The following FGF14 variants were observed in gnomAD, a reference collection of about 807,000 sequenced individuals.
The protein encoded by FGF14 is fibroblast growth factor homologous factor 4.
In FGF14, 5 loss-of-function variants were observed where a neutral mutation model predicts 25.5. The ratio of observed to expected loss-of-function variants is 0.20; its 90% CI spans 0.10 to 0.41. The LOEUF is 0.41. FGF14 is among the 10% of genes least tolerant of loss of function. The pLI is 1.00. For missense variants in FGF14, 222 were observed against 320.1 expected, an observed-to-expected ratio of 0.69 and a Z score of 2.34; for synonymous variants, 138 against 118.3, an observed-to-expected ratio of 1.17 and a Z score of -1.08.
At chr13:102,046,692 A>AT (rs747690938) in intron 1 of FGF14, among the ~76,000 whole-genome samples, 2 of 152,220 alleles carry the variant, frequency 1.3e-5, no homozygotes, top group Admixed American at 6.5e-5. Flanking sequence ...GTTTATTGAA[A>AT]TTACTTTATC....
intron 1 of FGF14, among the ~76,000 whole-genome samples, chr13:102,288,946 G>T (rs2054243284): frequency 6.6e-6 from 1 of 151,312 alleles, no homozygotes; most frequent in Non-Finnish European, 1.5e-5. Context: ...CTGTGAATTT[G>T]TCAGGTTTCT....
intron 1 of FGF14, among the ~76,000 whole-genome samples, chr13:101,990,630 T>C (rs1555334724): frequency 6.6e-6 from 1 of 152,100 alleles, no homozygotes; most frequent in Non-Finnish European, 1.5e-5. Flanking sequence ...TGCATCAGTA[T>C]GGGGCTTTGG....
chr13:102,266,590 C>A (rs1051993534), intron 1 of FGF14, among the ~76,000 whole-genome samples: 1 of 151,992 alleles, frequency 6.6e-6, no homozygotes, highest in South Asian at 2.1e-4. Flanking sequence ...AAATTTATAT[C>A]AAATGATATT....
intron 4 of FGF14, among the ~76,000 whole-genome samples, chr13:101,725,428 G>C (rs964661194): frequency 1.3e-5 from 2 of 151,774 alleles, no homozygotes; most frequent in African/African-American, 4.8e-5. Context: ...AACTGTTTGG[G>C]TTTCAATAAA....
chr13:101,941,178 G>T lies in FGF14; in HGVS notation c.209-65882C>A, dbSNP rs566150242. Among the ~76,000 whole-genome samples, 16 of 152,272 alleles carry T rather than the reference G, an allele frequency of 1.1e-4. No homozygotes were observed. The South Asian group carries it at 3.3e-3, about 32-fold the overall frequency. ...AAAAATGGGATTCATCACAAAGCAA[G>T]GACACAGTGAGCAGAGATGGAGTCA... On this transcript the variant is annotated intron_variant, in intron 1 of 4. Coordinates refer to the FGF14 transcript ENST00000376131.
chr13:101,912,018 T>C lies in FGF14; in HGVS notation c.193+4435A>G, dbSNP rs770379382. Among the ~76,000 whole-genome samples, 761 of 151,126 alleles carry C rather than the reference T, an allele frequency of 5.0e-3. 1 individual carries two copies. The highest frequency in any genetic ancestry group is 8.0e-3 in the Admixed American group (121 of 15,208). On this transcript the variant is annotated intron_variant, in intron 1 of 4. Coordinates refer to ENST00000376143, the MANE Select transcript of FGF14 (RefSeq NM_004115.4). ...ACAAAAACAGTGTTTTTTTTTTTTT[T>C]TGATGACTATTTGCTGTGGATTATT...
intron 1 of FGF14, among the ~76,000 whole-genome samples, chr13:102,076,417 G>A (rs556915708): frequency 6.6e-6 from 1 of 152,296 alleles, no homozygotes; most frequent in South Asian, 2.1e-4. Context: ...GCCACATAGC[G>A]AAGGTGTATG....
intron 3 of FGF14, among the ~76,000 whole-genome samples, chr13:101,814,025 G>A (rs1191128354): frequency 6.6e-6 from 1 of 152,228 alleles, no homozygotes; most frequent in African/African-American, 2.4e-5. Context: ...GTTGTAAGCT[G>A]TTGGATGAAG....
chr13:102,000,571 A>T, intron 1 of FGF14, among the ~76,000 whole-genome samples: 1 of 152,224 alleles, frequency 6.6e-6, no homozygotes, highest in East Asian at 1.9e-4. Context: ...TTTTGTTACT[A>T]TAAAAGAAAA....
In FGF14 at chr13:102,385,347, T is replaced by C. The variant is rs1273353865; in HGVS notation, c.208+16124A>G. 2.0e-5 allele frequency among the ~76,000 whole-genome samples: 3 copies of C among 152,192 alleles called. No homozygotes were observed. In the East Asian group the frequency reaches 5.8e-4, roughly 29 times the overall value. On this transcript the variant is annotated intron_variant, in intron 1 of 4. Coordinates refer to the FGF14 transcript ENST00000376131. The stretch of plus-strand genomic sequence containing the variant: ...GATTCCAACACTTACTTCTAAGTTA[T>C]CTATGTGGCTTACTTACTTATGAGA...
intron 3 of FGF14, among the ~76,000 whole-genome samples, chr13:101,752,021 T>C (rs2037317323): frequency 6.6e-6 from 1 of 152,204 alleles, no homozygotes; most frequent in Non-Finnish European, 1.5e-5. Context: ...AGAATTTTTT[T>C]TTCTATCTGA....
In FGF14 at chr13:101,885,322, C is replaced by T. The variant is rs2045933551; in HGVS notation, c.194-10026G>A. Among the ~76,000 whole-genome samples, 3 of 151,826 alleles carry T rather than the reference C, an allele frequency of 2.0e-5. No homozygotes were observed. In the South Asian group the frequency reaches 6.3e-4, roughly 32 times the overall value. On this transcript the variant is annotated intron_variant, in intron 1 of 4. Transcript: ENST00000376143. Reference sequence around the variant, plus strand: ...TAGTGTCCTAATTTAACAAGCAATCCCACTGTGTGGACATGTTTTCAGGGT... The same window carrying T: ...TAGTGTCCTAATTTAACAAGCAATCTCACTGTGTGGACATGTTTTCAGGGT...
intron 1 of FGF14, among the ~76,000 whole-genome samples, chr13:102,024,262 T>C (rs763346714): frequency 3.3e-5 from 5 of 152,196 alleles, no homozygotes; most frequent in Admixed American, 1.3e-4. Flanking sequence ...AGGATTCTAA[T>C]TCCTCCACAT....
chr13:102,073,668 T>C (rs944957772), intron 1 of FGF14, among the ~76,000 whole-genome samples: 5 of 152,206 alleles, frequency 3.3e-5, no homozygotes, highest in African/African-American at 1.2e-4. Context: ...GTTGACTAAA[T>C]CTTTCATGCT....
chr13:102,152,373 G>T (rs1170462915), intron 1 of FGF14, among the ~76,000 whole-genome samples: 1 of 152,178 alleles, frequency 6.6e-6, no homozygotes, highest in East Asian at 1.9e-4. Context: ...CCAAGATCAA[G>T]GTTGAGGTCT....
At chr13:101,738,567 G>A (rs1456641513) in intron 3 of FGF14, among the ~76,000 whole-genome samples, 4 of 152,094 alleles carry the variant, frequency 2.6e-5, no homozygotes, top group Non-Finnish European at 1.5e-5. Context: ...TGAAGAGGGA[G>A]GCCAGGAAAG....
At chr13:102,265,732 T>C (rs560099439) in intron 1 of FGF14, among the ~76,000 whole-genome samples, 7 of 152,254 alleles carry the variant, frequency 4.6e-5, no homozygotes, top group African/African-American at 1.7e-4. Context: ...AAAATTAGAA[T>C]TCCAGAATAC....
chr13:102,283,232 T>C (rs925039875), intron 1 of FGF14, among the ~76,000 whole-genome samples: 6 of 152,348 alleles, frequency 3.9e-5, no homozygotes, highest in Middle Eastern at 6.8e-3. Context: ...TGAAATTCCA[T>C]TGGCTATGGC....
intron 3 of FGF14, among the ~76,000 whole-genome samples, chr13:101,845,192 A>G (rs1374655770): frequency 6.6e-6 from 1 of 152,094 alleles, no homozygotes; most frequent in Non-Finnish European, 1.5e-5. Context: ...GGTGATATTT[A>G]GAAATTTGCT....
Sources: allele counts gnomAD v4.1 joint callset (sites outside exome capture counted in the v4.1 genomes callset), GRCh38; gene constraint gnomAD v4.1.1; transcripts MANE v1.5; gene names NCBI Gene and HGNC (gene_info 2026-07-23, HGNC 2026-07-21).